Variants in NEGR1 observed in about 807,000 individuals in gnomAD.
The protein encoded by NEGR1 is IgLON family member 4.
A neutral mutation model predicts 40.9 loss-of-function variants in NEGR1; 10 were observed. That is an observed-to-expected ratio of 0.24 (90% CI 0.15 to 0.42). NEGR1 has a LOEUF of 0.42. Ranked by LOEUF, NEGR1 falls within the 10% of genes least tolerant of loss-of-function variation. The pLI is 1.00. For synonymous variants in NEGR1, 185 were observed against 166.8 expected, an observed-to-expected ratio of 1.11 and a Z score of -0.84; for missense variants, 352 against 438.9, an observed-to-expected ratio of 0.80 and a Z score of 1.77.
At chr1:72,208,432 A>G (rs114386967) in intron 1 of NEGR1, among the ~76,000 whole-genome samples, 1,968 of 151,758 alleles carry the variant, frequency 0.013, 43 homozygotes, top group African/African-American at 0.045. Context: ...CAACTAATAA[A>G]CCAGAGTTAC....
chr1:71,707,175 G>T (rs1421194175), intron 3 of NEGR1, among the ~76,000 whole-genome samples: 1 of 152,142 alleles, frequency 6.6e-6, no homozygotes, highest in East Asian at 1.9e-4. Flanking sequence ...TGCCACAGGG[G>T]TTGGAGCACC....
chr1:72,180,814 G>T (rs945236923), intron 1 of NEGR1, among the ~76,000 whole-genome samples: 2 of 152,094 alleles, frequency 1.3e-5, no homozygotes, highest in African/African-American at 2.4e-5. Flanking sequence ...GAGCCCTAGG[G>T]TTTAAAACTG....
At chr1:72,210,299 G>A (rs764492390) in intron 1 of NEGR1, among the ~76,000 whole-genome samples, 1 of 151,828 alleles carries the variant, frequency 6.6e-6, no homozygotes, top group Non-Finnish European at 1.5e-5. Context: ...CGACATCACT[G>A]AGTTGAAAAG....
chr1:71,760,586 C>T (rs1655906847), intron 3 of NEGR1, among the ~76,000 whole-genome samples: 1 of 152,162 alleles, frequency 6.6e-6, no homozygotes, highest in Admixed American at 6.5e-5. Context: ...TGGAAATTCA[C>T]AAAAGCTCCA....
At chr1:72,122,015 G>A (rs763969897) in intron 1 of NEGR1, among the ~76,000 whole-genome samples, 35 of 151,698 alleles carry the variant, frequency 2.3e-4, no homozygotes, top group Non-Finnish European at 5.0e-4. Context: ...AATACCGATT[G>A]TTTCCCTAAA....
chr1:72,186,153 G>A (rs192483829), intron 1 of NEGR1, among the ~76,000 whole-genome samples: 108 of 151,744 alleles, frequency 7.1e-4, no homozygotes, highest in Middle Eastern at 3.4e-3. Flanking sequence ...TTGTTCATAT[G>A]TAACTTGGAA....
At chr1:71,879,534 T>C (rs1366049712) in intron 2 of NEGR1, among the ~76,000 whole-genome samples, 1 of 152,124 alleles carries the variant, frequency 6.6e-6, no homozygotes, top group Non-Finnish European at 1.5e-5. Context: ...ATAATTTAGG[T>C]GGAAAGCAGA....
At chr1:71,855,761 C>A (rs1474812030) in intron 2 of NEGR1, among the ~76,000 whole-genome samples, 1 of 151,646 alleles carries the variant, frequency 6.6e-6, no homozygotes, top group Non-Finnish European at 1.5e-5. Flanking sequence ...GAAAAAAAAT[C>A]ATTGTTTTAA....
intron 6 of NEGR1, among the ~76,000 whole-genome samples, chr1:71,493,330 T>C (rs962998080): frequency 3.9e-5 from 6 of 152,114 alleles, no homozygotes; most frequent in Admixed American, 1.3e-4. Flanking sequence ...TGAATACCCA[T>C]CTACTATCCA....
rs372575177 is a variant in NEGR1, at chr1:71,953,845, T to C, written c.177-18534A>G. Among the ~76,000 whole-genome samples, 9 of 151,992 alleles carry C rather than the reference T, an allele frequency of 5.9e-5. No individual in the cohort carries two copies. The East Asian group carries it at 1.2e-3, about 20-fold the overall frequency. ...GTGATATACTTTTTTTTAGACATAATGCTATTGCATACTTAATAGATGACA... is the reference window on the plus strand; with the variant it reads ...GTGATATACTTTTTTTTAGACATAACGCTATTGCATACTTAATAGATGACA... On this transcript the variant is annotated intron_variant, in intron 1 of 6. Transcript: ENST00000357731.
chr1:72,135,950 A>T (rs1650447029), intron 1 of NEGR1, among the ~76,000 whole-genome samples: 1 of 152,214 alleles, frequency 6.6e-6, no homozygotes, highest in Non-Finnish European at 1.5e-5. Flanking sequence ...TTTGCCCAAG[A>T]TTGAACATTG....
intron 1 of NEGR1, among the ~76,000 whole-genome samples, chr1:72,131,186 T>C (rs1482873118): frequency 6.6e-6 from 1 of 152,184 alleles, no homozygotes; most frequent in Non-Finnish European, 1.5e-5. Context: ...TAATTTAACA[T>C]CTAGAAACCA....
intron 1 of NEGR1, among the ~76,000 whole-genome samples, chr1:72,231,560 T>C (rs773004905): frequency 7.2e-5 from 11 of 152,188 alleles, no homozygotes; most frequent in Non-Finnish European, 1.5e-4. Context: ...TTTCTTATAA[T>C]TATTGATGTC....
chr1:72,051,120 C>A (rs1300167413), intron 1 of NEGR1, among the ~76,000 whole-genome samples: 3 of 151,558 alleles, frequency 2.0e-5, no homozygotes, highest in African/African-American at 7.2e-5. Context: ...GTAAGCCCAG[C>A]CCTTCTCTAA....
chr1:71,538,970 T>C (rs1647598551), intron 6 of NEGR1, among the ~76,000 whole-genome samples: 1 of 151,782 alleles, frequency 6.6e-6, no homozygotes, highest in Non-Finnish European at 1.5e-5. Flanking sequence ...GTTCAAATAC[T>C]TCACTAGGTT....
At chr1:71,711,236 G>C (rs1654073100) in intron 3 of NEGR1, among the ~76,000 whole-genome samples, 1 of 150,048 alleles carries the variant, frequency 6.7e-6, no homozygotes. Flanking sequence ...TCCCAGCTAC[G>C]CGGGAGGCTG....
intron 3 of NEGR1, among the ~76,000 whole-genome samples, chr1:71,730,515 G>A (rs1654823809): frequency 1.4e-5 from 2 of 143,086 alleles, no homozygotes; most frequent in South Asian, 2.2e-4. Flanking sequence ...GAATATATAT[G>A]TTTTATATAT....
chr1:72,019,954 A>T (rs1200818754), intron 1 of NEGR1, among the ~76,000 whole-genome samples: 1 of 152,208 alleles, frequency 6.6e-6, no homozygotes, highest in Non-Finnish European at 1.5e-5. Flanking sequence ...ATAGTGAAAA[A>T]CCTAATGCTG....
chr1:71,677,535 C>A (rs1483369427), intron 4 of NEGR1, among the ~76,000 whole-genome samples: 2 of 152,126 alleles, frequency 1.3e-5, no homozygotes, highest in South Asian at 4.1e-4. Context: ...CACAAAAGAG[C>A]AAACCCTTAA....
Sources: gnomAD v4.1 joint callset for allele counts (sites outside exome capture counted in the v4.1 genomes callset) on GRCh38, gnomAD v4.1.1 for gene constraint, MANE v1.5 for transcripts, NCBI Gene and HGNC (gene_info 2026-07-23, HGNC 2026-07-21) for gene names.